THSD7B: variants seen among roughly 807,000 people sequenced by gnomAD.
THSD7B encodes thrombospondin type 1 domain containing 7B, also known as thrombospondin type-1 domain-containing protein 7B.
A neutral mutation model predicts 213.6 loss-of-function variants in THSD7B; 138 were observed. The observed-to-expected ratio is 0.65, with a 90% CI of 0.56 to 0.74. The LOEUF (loss-of-function observed/expected upper bound fraction) is 0.74, where lower values mean the gene tolerates loss of function less well. THSD7B is among the 30% of genes least tolerant of loss of function. The pLI is 0.00. For missense variants in THSD7B, 1,931 were observed against 1,991.5 expected (o/e 0.97, Z 0.58); for synonymous variants, 742 against 687.0 (o/e 1.08, Z -1.25).
rs1033604581 is a variant in THSD7B, at chr2:137,064,674, A to AT, written c.950+7451dup. ...GGTTTAATTCTTTAATTTTTATTTGATTTTTTTGTATGGTGAGACATAGGG... is the reference window on the plus strand; with the variant it reads ...GGTTTAATTCTTTAATTTTTATTTGATTTTTTTTGTATGGTGAGACATAGGG... On this transcript the variant is annotated intron_variant, in intron 3 of 27. Coordinates refer to ENST00000409968, the MANE Select transcript of THSD7B (RefSeq NM_001316349.2). Among the ~76,000 whole-genome samples the AT allele has an allele frequency of 2.5e-4, 38 of 151,500 alleles. 1 individual carries two copies. The highest frequency in any genetic ancestry group is 7.4e-5 in the Non-Finnish European group (5 of 67,810).
In THSD7B at chr2:136,921,238, AC is replaced by A. The variant is rs1394022410; in HGVS notation, c.139+38923del. Reference sequence around the variant, plus strand: ...GACACTCAAAAAAAAAAAAAAAAAAACCACATAGGCAGGCCCCTTATTCTGC... The same window carrying A: ...GACACTCAAAAAAAAAAAAAAAAAAACACATAGGCAGGCCCCTTATTCTGC... On this transcript the variant is annotated intron_variant, in intron 2 of 27. Transcript: ENST00000409968. Among the ~76,000 whole-genome samples, 647 of 145,970 alleles carry A rather than the reference AC, an allele frequency of 4.4e-3. 7 individuals are homozygous for A. Among genetic ancestry groups the A allele is most frequent in the African/African-American group, 0.016 (625 of 39,352 alleles).
At chr2:137,172,917 G>C (rs1473358972) in intron 7 of THSD7B, among the ~76,000 whole-genome samples, 1 of 152,146 alleles carries the variant, frequency 6.6e-6, no homozygotes, top group African/African-American at 2.4e-5. Context: ...TGAGTTTGGA[G>C]TAAGAAGTGA....
chr2:137,379,689 G>A (rs1477107951), intron 12 of THSD7B, among the ~76,000 whole-genome samples: 1 of 152,184 alleles, frequency 6.6e-6, no homozygotes, highest in African/African-American at 2.4e-5. Flanking sequence ...CCTCTGGGAG[G>A]ATATGAATAT....
At position 137,677,263 on chromosome 2, in the gene THSD7B, AAGCT is replaced by A. The variant is rs1683724459; in HGVS notation, c.*661_*664del. ...TGTGTGTAATTGCTGGACTAGATGA[AAGCT>A]AGGTCATTTCTGAAGGGAATGTGTA... On this transcript the variant is annotated 3_prime_UTR_variant, in exon 28 of 28. Coordinates refer to ENST00000409968, the MANE Select transcript of THSD7B (RefSeq NM_001316349.2). 2 of 152,770 alleles carry A rather than the reference AAGCT, an allele frequency of 1.3e-5. No individual in the cohort carries two copies. Among genetic ancestry groups the A allele is most frequent in the Non-Finnish European group, 2.9e-5 (2 of 68,026 alleles). The allele number at this position is 152,770 out of a possible 1,614,324, so 9.5% of individuals were successfully genotyped here.
At chr2:136,832,206 C>T (rs13029814) in intron 1 of THSD7B, among the ~76,000 whole-genome samples, 2 of 77,898 alleles carry the variant, frequency 2.6e-5, no homozygotes, top group Non-Finnish European at 5.9e-5. Flanking sequence ...TGTGTGTATA[C>T]ACACACACAT....
chr2:136,886,216 C>A lies in THSD7B; in HGVS notation c.139+3899C>A, dbSNP rs1683713450. Among the ~76,000 whole-genome samples the A allele has an allele frequency of 2.6e-5, 4 of 152,092 alleles. No homozygotes were observed. The South Asian group carries it at 6.2e-4, about 24-fold the overall frequency. ...GGTCAGAATAAGATTTTGTCTTTTA[C>A]TCTATGTGAGATAGAAAGACATGGG... is the stretch of plus-strand genomic sequence containing the variant. On this transcript the variant is annotated intron_variant, in intron 2 of 27. Coordinates refer to ENST00000409968, the MANE Select transcript of THSD7B (RefSeq NM_001316349.2).
intron 2 of THSD7B, among the ~76,000 whole-genome samples, chr2:136,958,953 C>T (rs908469131): frequency 6.6e-6 from 1 of 152,024 alleles, no homozygotes; most frequent in Non-Finnish European, 1.5e-5. Context: ...TTCAGACAGA[C>T]GCACCTCAGA....
intron 12 of THSD7B, among the ~76,000 whole-genome samples, chr2:137,397,520 C>T (rs1372397349): frequency 2.0e-5 from 3 of 151,762 alleles, no homozygotes; most frequent in African/African-American, 7.3e-5. Context: ...TGTAGGGTTT[C>T]TGCCAAGAGA....
At chr2:137,399,854 A>G (rs770353768) in intron 12 of THSD7B, among the ~76,000 whole-genome samples, 1 of 152,114 alleles carries the variant, frequency 6.6e-6, no homozygotes, top group Non-Finnish European at 1.5e-5. Flanking sequence ...TTCAGTTTAC[A>G]TAGTTCCAAA....
chr2:137,585,024 T>C (rs995102211), intron 17 of THSD7B, among the ~76,000 whole-genome samples: 1 of 152,206 alleles, frequency 6.6e-6, no homozygotes, highest in African/African-American at 2.4e-5. Context: ...GAGCCTGTTA[T>C]TGGTCTATTG....
At chr2:137,148,916 A>T (rs567416891) in intron 5 of THSD7B, among the ~76,000 whole-genome samples, 1 of 152,328 alleles carries the variant, frequency 6.6e-6, no homozygotes, top group East Asian at 1.9e-4. Context: ...AATAACAATG[A>T]GACAAATGTT....
intron 2 of THSD7B, among the ~76,000 whole-genome samples, chr2:136,915,112 A>G (rs955817268): frequency 2.7e-4 from 41 of 152,318 alleles, no homozygotes; most frequent in African/African-American, 8.9e-4. Context: ...TCACAAACAG[A>G]AGATGGTTTT....
Position 136,833,385 on chromosome 2 carries a change from A to AAAAG in THSD7B, c.-35-48758_-35-48757insAAGA, listed in dbSNP as rs1383636225. Among the ~76,000 whole-genome samples the AAAAG allele has an allele frequency of 8.7e-4, 119 of 136,294 alleles. 2 individuals are homozygous for AAAAG. The highest frequency in any genetic ancestry group is 1.9e-3 in the African/African-American group (64 of 33,196). The allele number at this position is 136,294 out of a possible 152,430, so 89.4% of individuals were successfully genotyped here. ...TCTCAAAAAAAAAAAAAAAAAAAAA[A>AAAAG]AGAGAGAGAGAGAGGGCAATTATAT... On this transcript the variant is annotated intron_variant, in intron 1 of 27. Coordinates refer to ENST00000409968, the MANE Select transcript of THSD7B (RefSeq NM_001316349.2).
At chr2:137,075,593 G>A (rs1247291080) in intron 3 of THSD7B, among the ~76,000 whole-genome samples, 1 of 152,156 alleles carries the variant, frequency 6.6e-6, no homozygotes, top group South Asian at 2.1e-4. Context: ...ACTCGTTAAA[G>A]TCATTCTCCG....
At chr2:137,388,147 C>T (rs1685937819) in intron 12 of THSD7B, among the ~76,000 whole-genome samples, 2 of 151,938 alleles carry the variant, frequency 1.3e-5, no homozygotes, top group South Asian at 2.1e-4. Context: ...ATGCTTTTTT[C>T]CTACCATTTC....
chr2:137,557,074 C>T (rs1680987446), intron 15 of THSD7B, among the ~76,000 whole-genome samples: 1 of 152,192 alleles, frequency 6.6e-6, no homozygotes. Context: ...GAGACTTAGA[C>T]TCCCACACAA....
rs113137041 is a variant in THSD7B at position 136,959,982 on chromosome 2, G to A, written c.139+77665G>A. Among the ~76,000 whole-genome samples, 1,048 of 152,250 alleles carry A rather than the reference G, an allele frequency of 6.9e-3. 13 individuals carry two copies. Among genetic ancestry groups the A allele is most frequent in the African/African-American group, 0.023 (972 of 41,548 alleles). On this transcript the variant is annotated intron_variant, in intron 2 of 27. Transcript: ENST00000409968. ...TGGATTCAGAATTAAGAGCTGAATC[G>A]CTAACCATTTGGAGTTCATGGGTTC...
At chr2:137,002,854 TTTCTTATAC>T (rs1282270345) in intron 2 of THSD7B, among the ~76,000 whole-genome samples, 2 of 152,208 alleles carry the variant, frequency 1.3e-5, no homozygotes, top group African/African-American at 4.8e-5. Flanking sequence ...GCACAGATTT[TTTCTTATAC>T]TTCTTATACC....
At chr2:137,548,828 G>A (rs1680788472) in intron 15 of THSD7B, among the ~76,000 whole-genome samples, 1 of 151,898 alleles carries the variant, frequency 6.6e-6, no homozygotes, top group African/African-American at 2.4e-5. Flanking sequence ...TCTGCCTAAG[G>A]AGTGTGTGTC....
Sources: allele counts gnomAD v4.1 joint callset (sites outside exome capture counted in the v4.1 genomes callset), GRCh38; gene constraint gnomAD v4.1.1; transcripts MANE v1.5; gene names NCBI Gene and HGNC (gene_info 2026-07-23, HGNC 2026-07-21).